Variants in HBP1 observed in about 807,000 individuals in gnomAD.
HBP1 encodes the protein HMG-box transcription factor 1.
A neutral mutation model predicts 62.6 loss-of-function variants in HBP1; 20 were observed. The ratio of observed to expected loss-of-function variants is 0.32; its 90% confidence interval spans 0.22 to 0.46. HBP1 has a LOEUF of 0.46. Among genes scored for constraint, HBP1 ranks in the 20% least tolerant of loss-of-function variants. HBP1 has a pLI of 1.00. For synonymous variants in HBP1, 232 were observed against 206.2 expected (o/e 1.12, Z -1.07); for missense variants, 480 against 611.8 (o/e 0.78, Z 2.27).
chr7:107,193,950 TGTG>T (rs1797769834), intron 8 of HBP1, among the ~76,000 whole-genome samples: 1 of 152,180 alleles, frequency 6.6e-6, no homozygotes, highest in Non-Finnish European at 1.5e-5. Flanking sequence ...ACTACATTAT[TGTG>T]GAGTTTGCCA....
intron 3 of HBP1, among the ~76,000 whole-genome samples, chr7:107,185,208 T>C (rs1048519484): frequency 6.6e-6 from 1 of 152,170 alleles, no homozygotes; most frequent in African/African-American, 2.4e-5. Context: ...AAAAAATAAC[T>C]AGACCTTATA....
chr7:107,193,694 A>G (rs6971774), intron 8 of HBP1, among the ~76,000 whole-genome samples: 23,801 of 152,232 alleles, frequency 0.16, 2,325 homozygotes, highest in Non-Finnish European at 0.22. Flanking sequence ...TTTGCTTCCA[A>G]TCTAGAGAAG....
At chr7:107,173,437 T>C (rs974634875) in intron 1 of HBP1, 3 of 152,190 alleles carry the variant, frequency 2.0e-5, no homozygotes, top group African/African-American at 7.2e-5. Flanking sequence ...CTTATACCTT[T>C]TGTCTTTTTT....
chr7:107,202,238 A>ATCTT lies in HBP1; in HGVS notation c.*809_*812dup, dbSNP rs10699573. ...ATCTTAAATATATTTTGTCATCATA[A>ATCTT]TCTTTATGGTGGGGGCAGACTTTGC... On this transcript the variant is annotated 3_prime_UTR_variant, in exon 11 of 11. Transcript: ENST00000222574. 0.16 allele frequency: 23,850 copies of ATCTT among 152,560 alleles called. 2,310 individuals are homozygous for ATCTT. The highest frequency in any genetic ancestry group is 0.22 in the Non-Finnish European group (14,641 of 67,932). The allele number at this position is 152,560 out of a possible 1,614,324, so 9.5% of individuals were successfully genotyped here. A position where few individuals can be genotyped will look rare whatever the true frequency, so the allele number is the denominator to read the frequency against.
At chr7:107,187,608 C>CT (rs1428975214) in intron 6 of HBP1, among the ~76,000 whole-genome samples, 26 of 151,946 alleles carry the variant, frequency 1.7e-4, no homozygotes, top group African/African-American at 5.5e-4. Flanking sequence ...CCTGTCTTGG[C>CT]TGCCTTCAGT....
intron 1 of HBP1, among the ~76,000 whole-genome samples, chr7:107,176,808 G>C (rs1486306059): frequency 6.6e-6 from 1 of 151,852 alleles, no homozygotes. Context: ...AGTTCTGTGG[G>C]GGAAATTGTT....
chr7:107,182,573 C>G lies in HBP1; in HGVS notation c.370C>G (p.Pro124Ala). The G allele has an allele frequency of 6.2e-7, 1 of 1,602,490 alleles. No homozygotes were observed. Among genetic ancestry groups the G allele is most frequent in the Non-Finnish European group, 8.5e-7 (1 of 1,169,744 alleles). The change falls in exon 3 of 11, where the codon CCA becomes GCA. Residue 124 changes from proline (P) to alanine (A), a missense_variant. By Grantham distance (27) the Pro-to-Ala change is conservative. This residue lies in a region of HBP1 where 304 missense variants were observed against 330.9 expected (regional missense o/e 0.92). Coordinates refer to ENST00000222574, the MANE Select transcript of HBP1 (RefSeq NM_012257.4). ...LANIATSPQSPLMQCSFYNRS... is the reference protein window; with the variant it reads ...LANIATSPQSALMQCSFYNRS... ...AAATATCGCGACCAGTCCACAAAGT[C>G]CACTGATGCAGTGCTCATTTTACAA...
Position 107,170,581 on chromosome 7 carries a change from A to G in HBP1, c.-16+1396A>G, listed in dbSNP as rs1023226941. On this transcript the variant is annotated intron_variant, in intron 1 of 10. Coordinates refer to ENST00000222574, the MANE Select transcript of HBP1 (RefSeq NM_012257.4). ...ATATTGAGAATTAAATCCACTCCCT[A>G]AAGTTTTTGGGTTATGTTATACTTT... 2.0e-5 allele frequency among the ~76,000 whole-genome samples: 3 copies of G among 152,116 alleles called. No individual in the cohort carries two copies. The South Asian group carries it at 6.2e-4, about 31-fold the overall frequency.
At chr7:107,193,399 A>G (rs1271503578) in intron 8 of HBP1, 2 of 152,270 alleles carry the variant, frequency 1.3e-5, no homozygotes, top group East Asian at 3.9e-4. Flanking sequence ...AAAGATTCCA[A>G]ATTTTGAGTT....
chr7:107,192,973 T>C (rs1797725149), intron 8 of HBP1: 2 of 152,226 alleles, frequency 1.3e-5, no homozygotes, highest in African/African-American at 4.8e-5. Context: ...AAAGTCCAAG[T>C]TGGACTGCTC....
chr7:107,200,533 ATGTT>A (rs1332582933), intron 10 of HBP1: 5 of 359,232 alleles, frequency 1.4e-5, no homozygotes, highest in East Asian at 4.3e-5. Context: ...CTTCAAAAGA[ATGTT>A]TGTTCTAAAC....
chr7:107,183,845 G>A (rs1797229505), intron 3 of HBP1, among the ~76,000 whole-genome samples: 1 of 152,152 alleles, frequency 6.6e-6, no homozygotes, highest in Non-Finnish European at 1.5e-5. Flanking sequence ...TCTGTTGTCT[G>A]GCCTACCTCC....
In HBP1 at chr7:107,189,405, C is replaced by G; in HGVS notation, c.879C>G (p.Thr293=). ...GTACAGTAGAAGATGGTTTACTTACCGTAGAGTGTAAGCTGGACCACCCTT... is the reference window on the plus strand; with the variant it reads ...GTACAGTAGAAGATGGTTTACTTACGGTAGAGTGTAAGCTGGACCACCCTT... ...DPGTVEDGLL[T]VECKLDHPFY... Residue 293 remains threonine, a synonymous_variant, in exon 7 of 11, where the codon ACC becomes ACG. Coordinates refer to ENST00000222574, the MANE Select transcript of HBP1 (RefSeq NM_012257.4). 6.2e-7 allele frequency: 1 copy of G among 1,612,242 alleles called. No individual in the cohort carries two copies. The highest frequency in any genetic ancestry group is 8.5e-7 in the Non-Finnish European group (1 of 1,178,554).
At chr7:107,191,834 G>T (rs1797668902) in intron 8 of HBP1, among the ~76,000 whole-genome samples, 2 of 152,090 alleles carry the variant, frequency 1.3e-5, no homozygotes, top group Non-Finnish European at 2.9e-5. Context: ...AATTATGTCA[G>T]GGGTCCCTAA....
chr7:107,182,866 T>C (rs1044572043), intron 3 of HBP1, among the ~76,000 whole-genome samples: 5 of 152,192 alleles, frequency 3.3e-5, no homozygotes, highest in South Asian at 2.1e-4. Context: ...GAAATACTTT[T>C]ACTATACATT....
intron 1 of HBP1, among the ~76,000 whole-genome samples, chr7:107,178,743 C>T (rs145091721): frequency 1.0e-3 from 152 of 152,160 alleles, no homozygotes; most frequent in Admixed American, 8.4e-3. Context: ...AGAAAATGTA[C>T]TTTTTTTGGC....
Position 107,169,106 on chromosome 7 carries a change from G to GA in HBP1, c.-95_-94insA. ...CGCGCGGGGGAGGCCGACGTCGGTC[G>GA]GAGAGGGGGTACGAGAGCTGCTGGT... On this transcript the variant is annotated 5_prime_UTR_variant, in exon 1 of 11. Transcript: ENST00000222574. The GA allele has an allele frequency of 1.6e-6, 2 of 1,281,030 alleles. No homozygotes were observed. The highest frequency in any genetic ancestry group is 2.0e-6 in the Non-Finnish European group (2 of 984,044). The allele number at this position is 1,281,030 out of a possible 1,614,324, so 79.4% of individuals were successfully genotyped here. A position where few individuals can be genotyped will look rare whatever the true frequency, so the allele number is the denominator to read the frequency against.
At chr7:107,186,704 A>T (rs745871752) in intron 6 of HBP1, 23 bp downstream of exon 6, 3 of 1,417,080 alleles carry the variant, frequency 2.1e-6, no homozygotes, top group Non-Finnish European at 3.0e-6. Context: ...TTCTTAAAAA[A>T]TTTTTCAAAA....
Position 107,182,381 on chromosome 7 carries a change from C to G in HBP1, c.178C>G (p.Pro60Ala), listed in dbSNP as rs1797150606. The change falls in exon 3 of 11, where the codon CCT (proline) becomes GCT (alanine). Residue 60 changes from proline (P) to alanine (A), a missense_variant. By Grantham distance (27) the Pro-to-Ala change is conservative. This residue lies in a region of HBP1 where 304 missense variants were observed against 330.9 expected (regional missense o/e 0.92). Coordinates refer to ENST00000222574, the MANE Select transcript of HBP1 (RefSeq NM_012257.4). ...CDEHMELDDL[P>A]ELQAVQSDPT... The stretch of plus-strand genomic sequence containing the variant: ...AGTGTGCTTATTTGCAGATGACCTT[C>G]CTGAACTTCAGGCAGTTCAAAGTGA... 6.3e-7 allele frequency: 1 copy of G among 1,591,820 alleles called. No homozygotes were observed. Among genetic ancestry groups the G allele is most frequent in the South Asian group, 1.1e-5 (1 of 90,506 alleles).
Sources: allele counts gnomAD v4.1 joint callset (sites outside exome capture counted in the v4.1 genomes callset), GRCh38; gene constraint gnomAD v4.1.1; regional missense constraint gnomAD v4.1.1; transcripts MANE v1.5; gene names NCBI Gene and HGNC (gene_info 2026-07-23, HGNC 2026-07-21).